Variants in LCE2A observed in about 807,000 individuals in gnomAD.
The protein encoded by LCE2A is late cornified envelope protein 2A.
For synonymous variants in LCE2A, 65 were observed against 52.5 expected, an observed-to-expected ratio of 1.24 and a Z score of -1.03; for missense variants, 147 against 137.6, an observed-to-expected ratio of 1.07 and a Z score of -0.34.
In LCE2A at chr1:152,699,071, G is replaced by C. The variant is rs1649507911; in HGVS notation, c.170G>C (p.Gly57Ala). The change falls in exon 2 of 2, where the codon GGG becomes GCG. Residue 57 changes from glycine (G) to alanine (A), a missense_variant. Gly to Ala is a moderately conservative substitution (Grantham distance 60). Coordinates refer to ENST00000368779, the MANE Select transcript of LCE2A (RefSeq NM_178428.4). ...GGGGGCTGCTGCGGCTCCAGCTCTG[G>C]GGGCTGCTGCAGCTCTGGGGGTGGC... ...SSGGCCGSSS[G>A]GCCSSGGGGC... The C allele has an allele frequency of 2.5e-6, 4 of 1,613,944 alleles. No individual in the cohort carries two copies. The Middle Eastern group carries it at 5.0e-4, about 200-fold the overall frequency.
In LCE2A at chr1:152,698,921, A is replaced by G; in HGVS notation, c.20A>G (p.Gln7Arg). The stretch of plus-strand genomic sequence containing the variant: ...ACTGAGATGTCCTGCCAGCAAAACC[A>G]GCAGCAGTGCCAGCCCCCTCCCAAG... MSCQQN[Q>R]QQCQPPPKCP... The change falls in exon 2 of 2, where the codon CAG becomes CGG. Residue 7 changes from glutamine (Q) to arginine (R), a missense_variant. Gln to Arg is a conservative substitution (Grantham distance 43). Coordinates refer to ENST00000368779, the MANE Select transcript of LCE2A (RefSeq NM_178428.4). 6.2e-7 allele frequency: 1 copy of G among 1,614,210 alleles called. No homozygotes were observed. The highest frequency in any genetic ancestry group is 1.1e-5 in the South Asian group (1 of 91,086).
chr1:152,698,860 G>C (rs753085304), intron 1 of LCE2A, 22 bp from the exon 2 acceptor site: 8 of 1,609,998 alleles, frequency 5.0e-6, no homozygotes, highest in Non-Finnish European at 6.0e-6. Context: ...CAGCTAAAGG[G>C]TTTGACTATT....
Position 152,699,037 on chromosome 1 carries a change from C to A in LCE2A, c.136C>A (p.Pro46Thr), listed in dbSNP as rs769064473. 6 of 1,613,764 alleles carry A rather than the reference C, an allele frequency of 3.7e-6. No individual in the cohort carries two copies. The highest frequency in any genetic ancestry group is 1.3e-5 in the African/African-American group (1 of 75,010). The change falls in exon 2 of 2, where the codon CCC becomes ACC. Residue 46 changes from proline (P) to threonine (T), a missense_variant. Coordinates refer to ENST00000368779, the MANE Select transcript of LCE2A (RefSeq NM_178428.4). ...ACCTCCAGTCTCTTCCTGCTGTGGT[C>A]CCAGCTCTGGGGGCTGCTGCGGCTC... is the stretch of plus-strand genomic sequence containing the variant. ...CPPPVSSCCG[P>T]SSGGCCGSSS...
At chr1:152,698,803 T>C in intron 1 of LCE2A, 79 bp from the exon 2 acceptor site, 2 of 1,211,494 alleles carry the variant, frequency 1.7e-6, no homozygotes, top group East Asian at 2.3e-5. Context: ...ACCATCACCA[T>C]ATGATTTAGT....
chr1:152,698,819 A>G, intron 1 of LCE2A, 63 bp from the exon 2 acceptor site: 1 of 1,430,348 alleles, frequency 7.0e-7, no homozygotes, highest in Non-Finnish European at 9.8e-7. Context: ...TTAGTTTTAA[A>G]AGAGATAAAA....
chr1:152,698,974 C>T lies in LCE2A; in HGVS notation c.73C>T (p.Pro25Ser). 1 of 1,614,176 alleles carries T rather than the reference C, an allele frequency of 6.2e-7. No homozygotes were observed. Among genetic ancestry groups the T allele is most frequent in the Non-Finnish European group, 8.5e-7 (1 of 1,180,036 alleles). ...CCCCCCAAAATGCCCACCCAAGTGT[C>T]CTCCAAAGTGCCGACCTCAGTGCCC... is the stretch of plus-strand genomic sequence containing the variant. ...KCPPKCPPKC[P>S]PKCRPQCPAP... Residue 25 changes from proline to serine, a missense_variant, in exon 2 of 2, where the codon CCT (proline) becomes TCT (serine). Coordinates refer to ENST00000368779, the MANE Select transcript of LCE2A (RefSeq NM_178428.4).
At position 152,698,909 on chromosome 1, in the gene LCE2A, G is replaced by A. The variant is rs80271068; in HGVS notation, c.8G>A (p.Cys3Tyr). 0.015 allele frequency: 24,508 copies of A among 1,614,098 alleles called. 256 individuals carry two copies. Among genetic ancestry groups the A allele is most frequent in the Middle Eastern group, 0.022 (135 of 6,062 alleles). Residue 3 changes from cysteine to tyrosine, a missense_variant, in exon 2 of 2, where the codon TGC becomes TAC. By Grantham distance (194) the Cys-to-Tyr change is radical. Coordinates refer to ENST00000368779, the MANE Select transcript of LCE2A (RefSeq NM_178428.4). MS[C>Y]QQNQQQCQPP... ...TGAAAAAGTCGCACTGAGATGTCCT[G>A]CCAGCAAAACCAGCAGCAGTGCCAG...
In LCE2A at chr1:152,699,127, C is replaced by A. The variant is rs774510047; in HGVS notation, c.226C>A (p.Leu76Ile). Residue 76 changes from leucine (L) to isoleucine (I), a missense_variant, in exon 2 of 2, where the codon CTC (leucine) becomes ATC (isoleucine). Leu to Ile is a conservative substitution (Grantham distance 5). Coordinates refer to ENST00000368779, the MANE Select transcript of LCE2A (RefSeq NM_178428.4). ...CTGCCTGAGCCACCACAGGCCCCGTCTCTTCCACCGGCACCGGCACCAGAG... is the reference window on the plus strand; with the variant it reads ...CTGCCTGAGCCACCACAGGCCCCGTATCTTCCACCGGCACCGGCACCAGAG... ...GCCLSHHRPRLFHRHRHQSPD... is the reference protein window; with the variant it reads ...GCCLSHHRPRIFHRHRHQSPD... 2 of 1,614,022 alleles carry A rather than the reference C, an allele frequency of 1.2e-6. No individual in the cohort carries two copies. The highest frequency in any genetic ancestry group is 1.7e-6 in the Non-Finnish European group (2 of 1,179,992).
chr1:152,699,151 A>G lies in LCE2A; in HGVS notation c.250A>G (p.Ser84Gly). ...TCTCTTCCACCGGCACCGGCACCAG[A>G]GCCCCGATTGTTGTGAGTGTGAACC... ...PRLFHRHRHQ[S>G]PDCCECEPSG... Residue 84 changes from serine to glycine, a missense_variant, in exon 2 of 2, where the codon AGC becomes GGC. Transcript: ENST00000368779. 1 of 1,613,910 alleles carries G rather than the reference A, an allele frequency of 6.2e-7. No individual in the cohort carries two copies.
At chr1:152,698,767 A>G (rs1649498214) in intron 1 of LCE2A, 115 bp from the exon 2 acceptor site, 1 of 810,596 alleles carries the variant, frequency 1.2e-6, no homozygotes, top group Non-Finnish European at 2.0e-6. Flanking sequence ...GTATGTGTAT[A>G]TATATACACA....
Position 152,699,152 on chromosome 1 carries a change from G to T in LCE2A, c.251G>T (p.Ser84Ile), listed in dbSNP as rs761845923. Residue 84 changes from serine to isoleucine, a missense_variant, in exon 2 of 2, where the codon AGC (serine) becomes ATC (isoleucine). By Grantham distance (142) the Ser-to-Ile change is moderately radical. Coordinates refer to ENST00000368779, the MANE Select transcript of LCE2A (RefSeq NM_178428.4). ...PRLFHRHRHQ[S>I]PDCCECEPSG... Reference sequence around the variant, plus strand: ...CTCTTCCACCGGCACCGGCACCAGAGCCCCGATTGTTGTGAGTGTGAACCT... The same window carrying T: ...CTCTTCCACCGGCACCGGCACCAGATCCCCGATTGTTGTGAGTGTGAACCT... The T allele has an allele frequency of 8.1e-6, 13 of 1,614,004 alleles. No individual in the cohort carries two copies. Among genetic ancestry groups the T allele is most frequent in the Non-Finnish European group, 1.1e-5 (13 of 1,179,998 alleles).
rs1240466949 is a variant in LCE2A at position 152,699,421 on chromosome 1, A to C, written c.*199A>C. On this transcript the variant is annotated 3_prime_UTR_variant, in exon 2 of 2. Coordinates refer to ENST00000368779, the MANE Select transcript of LCE2A (RefSeq NM_178428.4). ...CCCACTTTACCTCATACAACAATAAAGCTCTTTTGCCTCTTCGTGAAGTAC... is the reference window on the plus strand; with the variant it reads ...CCCACTTTACCTCATACAACAATAACGCTCTTTTGCCTCTTCGTGAAGTAC... The C allele has an allele frequency of 3.0e-6, 2 of 664,408 alleles. No individual in the cohort carries two copies. The highest frequency in any genetic ancestry group is 3.6e-5 in the African/African-American group (2 of 54,916). The allele number at this position is 664,408 out of a possible 1,614,324, so 41.2% of individuals were successfully genotyped here.
In LCE2A at chr1:152,699,066, C is replaced by G. The variant is rs760607169; in HGVS notation, c.165C>G (p.Ser55Arg). ...GPSSGGCCGS[S>R]SGGCCSSGGG... ...GCTCTGGGGGCTGCTGCGGCTCCAG[C>G]TCTGGGGGCTGCTGCAGCTCTGGGG... The change falls in exon 2 of 2, where the codon AGC becomes AGG. Residue 55 changes from serine (S) to arginine (R), a missense_variant. Coordinates refer to ENST00000368779, the MANE Select transcript of LCE2A (RefSeq NM_178428.4). 66 of 1,613,756 alleles carry G rather than the reference C, an allele frequency of 4.1e-5. 1 individual carries two copies. In the Admixed American group the frequency reaches 6.0e-4, roughly 15 times the overall value.
Position 152,699,156 on chromosome 1 carries a change from C to T in LCE2A, c.255C>T (p.Pro85=), listed in dbSNP as rs372077582. The T allele has an allele frequency of 1.2e-5, 19 of 1,613,928 alleles. No individual in the cohort carries two copies. Among genetic ancestry groups the T allele is most frequent in the South Asian group, 5.5e-5 (5 of 91,058 alleles). ...RLFHRHRHQS[P]DCCECEPSGG... ...TCCACCGGCACCGGCACCAGAGCCC[C>T]GATTGTTGTGAGTGTGAACCTTCTG... Residue 85 remains proline, a synonymous_variant, in exon 2 of 2, where the codon CCC becomes CCT. Transcript: ENST00000368779.
At chr1:152,698,500 T>G (rs1649493113) in intron 1 of LCE2A, 106 bp downstream of exon 1, 2 of 213,842 alleles carry the variant, frequency 9.4e-6, no homozygotes, top group African/African-American at 4.7e-5. Context: ...AGAAAAGAGA[T>G]ACAGTCTGAC....
At chr1:152,698,842 GT>G (rs1475212422) in intron 1 of LCE2A, 39 bp from the exon 2 acceptor site, 33 of 1,593,348 alleles carry the variant, frequency 2.1e-5, no homozygotes, top group Non-Finnish European at 1.8e-5. Flanking sequence ...GCCATCCTTG[GT>G]TTTTCACAGC....
chr1:152,698,468 T>A, intron 1 of LCE2A, 74 bp downstream of exon 1: 1 of 174,448 alleles, frequency 5.7e-6, no homozygotes, highest in Non-Finnish European at 1.2e-5. Flanking sequence ...AGTTATTTCT[T>A]TGATTCTGTG....
At position 152,699,124 on chromosome 1, in the gene LCE2A, C is replaced by T. The variant is rs201971844; in HGVS notation, c.223C>T (p.Arg75Cys). ...GGCCLSHHRPRLFHRHRHQSP... is the reference protein window; with the variant it reads ...GGCCLSHHRPCLFHRHRHQSP... ...CTGCTGCCTGAGCCACCACAGGCCC[C>T]GTCTCTTCCACCGGCACCGGCACCA... The change falls in exon 2 of 2, where the codon CGT (arginine) becomes TGT (cysteine). Residue 75 changes from arginine to cysteine, a missense_variant. By Grantham distance (180) the Arg-to-Cys change is radical (BLOSUM62 -3). Coordinates refer to ENST00000368779, the MANE Select transcript of LCE2A (RefSeq NM_178428.4). The T allele has an allele frequency of 4.5e-5, 72 of 1,614,022 alleles. No individual in the cohort carries two copies. In the Middle Eastern group the frequency reaches 2.1e-3, roughly 48 times the overall value.
Position 152,699,192 on chromosome 1 carries a change from C to T in LCE2A, c.291C>T (p.Gly97=). 1 of 1,613,692 alleles carries T rather than the reference C, an allele frequency of 6.2e-7. No individual in the cohort carries two copies. Among genetic ancestry groups the T allele is most frequent in the Non-Finnish European group, 8.5e-7 (1 of 1,179,796 alleles). Residue 97 remains glycine (G), a synonymous_variant, in exon 2 of 2, where the codon GGC becomes GGT. Coordinates refer to ENST00000368779, the MANE Select transcript of LCE2A (RefSeq NM_178428.4). ...AGTGTGAACCTTCTGGGGGCTCTGG[C>T]TGCTGCCACAGCTCTGGGGACTGCT... The part of the protein sequence containing the change: ...CCECEPSGGS[G]CCHSSGDCC
Sources: allele counts gnomAD v4.1 joint callset, GRCh38; gene constraint gnomAD v4.1.1; transcripts MANE v1.5; gene names NCBI Gene and HGNC (gene_info 2026-07-23, HGNC 2026-07-21).